The following UGT2A1 variants were observed in gnomAD, a reference collection of about 807,000 sequenced individuals.
The protein encoded by UGT2A1 is UDP glucuronosyltransferase family 2 member A1 complex locus.
Under a neutral mutation model 45.4 loss-of-function variants are expected in UGT2A1, and 61 were observed. That is an observed-to-expected ratio of 1.34 (90% CI 1.09 to 1.66). UGT2A1 has a LOEUF of 1.66. Ranked by LOEUF, UGT2A1 falls within the 40% of genes most tolerant of loss-of-function variation. The pLI is 0.00. For missense variants in UGT2A1, 649 were observed against 574.3 expected (o/e 1.13, Z -1.33); for synonymous variants, 229 against 196.2 (o/e 1.17, Z -1.40).
chr4:69,651,557 G>A (rs960373332), intron 1 of UGT2A1, among the ~76,000 whole-genome samples: 18 of 152,128 alleles, frequency 1.2e-4, no homozygotes, highest in African/African-American at 4.3e-4. Context: ...TTGCTTAATT[G>A]TGTTACAGGT....
intron 3 of UGT2A1, among the ~76,000 whole-genome samples, chr4:69,608,023 G>A (rs188289637): frequency 6.6e-6 from 1 of 152,170 alleles, no homozygotes; most frequent in East Asian, 1.9e-4. Flanking sequence ...AATTTCTCAG[G>A]GATCTAGAAT....
rs144056072 is a variant in UGT2A1, at chr4:69,589,493, G to T, written c.1463C>A (p.Ser488Tyr). 4.3e-4 allele frequency: 687 copies of T among 1,614,012 alleles called. 2 individuals are homozygous for T. The highest frequency in any genetic ancestry group is 1.1e-3 in the Admixed American group (67 of 59,978). The change falls in exon 7 of 7, where the codon TCT becomes TAT. Residue 488 changes from serine to tyrosine, a missense_variant. Coordinates refer to ENST00000286604, the MANE Select transcript of UGT2A1 (RefSeq NM_001252275.3). ...AHDLTWFQYH[S>Y]LDVIGFLLVC... ...CAGCAAGAACCCAATTACATCCAAA[G>T]AGTGGTACTGGAACCAGGTGAGGTC...
At chr4:69,596,025 T>C (rs1410665415) in intron 4 of UGT2A1, among the ~76,000 whole-genome samples, 1 of 152,162 alleles carries the variant, frequency 6.6e-6, no homozygotes, top group Non-Finnish European at 1.5e-5. Context: ...AATAAATGAC[T>C]TCAAAAAAGT....
chr4:69,623,821 T>G (rs576911559), intron 3 of UGT2A1, among the ~76,000 whole-genome samples: 4 of 151,586 alleles, frequency 2.6e-5, no homozygotes, highest in Non-Finnish European at 5.9e-5. Flanking sequence ...TTAAAACAGA[T>G]TCATTTGAAA....
chr4:69,610,906 A>G (rs1719996928), intron 3 of UGT2A1, among the ~76,000 whole-genome samples: 1 of 152,200 alleles, frequency 6.6e-6, no homozygotes, highest in Non-Finnish European at 1.5e-5. Context: ...AAGTTAAATT[A>G]GCTAATCTTT....
At chr4:69,619,034 T>G (rs1038778701) in intron 3 of UGT2A1, among the ~76,000 whole-genome samples, 6 of 151,856 alleles carry the variant, frequency 4.0e-5, no homozygotes, top group African/African-American at 1.5e-4. Context: ...ATACAATATA[T>G]GTATATACAT....
intron 2 of UGT2A1, among the ~76,000 whole-genome samples, chr4:69,642,185 T>C (rs985209572): frequency 6.6e-6 from 1 of 151,856 alleles, no homozygotes; most frequent in African/African-American, 2.4e-5. Context: ...CATTTCCTTT[T>C]GTTCTGATAC....
intron 3 of UGT2A1, among the ~76,000 whole-genome samples, chr4:69,619,741 G>T (rs970168026): frequency 6.6e-6 from 1 of 152,072 alleles, no homozygotes; most frequent in African/African-American, 2.4e-5. Flanking sequence ...GAATATTGAT[G>T]CAAAAATCCT....
intron 3 of UGT2A1, among the ~76,000 whole-genome samples, chr4:69,627,437 T>A (rs1453472162): frequency 6.7e-6 from 1 of 149,182 alleles, no homozygotes; most frequent in African/African-American, 2.5e-5. Context: ...ATAAGAAATA[T>A]TTTTTGTTCC....
At chr4:69,598,090 C>A (rs1159144906) in intron 4 of UGT2A1, among the ~76,000 whole-genome samples, 1 of 152,076 alleles carries the variant, frequency 6.6e-6, no homozygotes, top group Non-Finnish European at 1.5e-5. Flanking sequence ...ATGAATATTT[C>A]TGTGTCTTTA....
chr4:69,608,565 A>G (rs1193439348), intron 3 of UGT2A1, among the ~76,000 whole-genome samples: 1 of 152,140 alleles, frequency 6.6e-6, no homozygotes, highest in Non-Finnish European at 1.5e-5. Flanking sequence ...AAAGTATAAT[A>G]AAAAGAAAAA....
chr4:69,599,659 A>C, intron 3 of UGT2A1: 1 of 343,064 alleles, frequency 2.9e-6, no homozygotes, highest in East Asian at 5.3e-5. Context: ...AGCAAGGAAA[A>C]GTGAGAAAAA....
rs1719502747 is a variant in UGT2A1 at position 69,604,747 on chromosome 4, CA to C, written c.848-5354del. The stretch of plus-strand genomic sequence containing the variant: ...GAAGATCTACCAAGCAAATGGAAAA[CA>C]AAAAAAGGCAGGGGTTGCAATCCTA... On this transcript the variant is annotated intron_variant, in intron 3 of 6. Transcript: ENST00000286604. Among the ~76,000 whole-genome samples, 2 of 135,054 alleles carry C rather than the reference CA, an allele frequency of 1.5e-5. 1 individual carries two copies. The highest frequency in any genetic ancestry group is 3.1e-5 in the Non-Finnish European group (2 of 63,698). 88.6% of individuals were successfully genotyped at this position (135,054 alleles called of 152,430 possible). A position where few individuals can be genotyped will look rare whatever the true frequency, so the allele number is the denominator to read the frequency against.
chr4:69,646,676 T>C lies in UGT2A1; in HGVS notation c.715+254A>G, dbSNP rs1372240894. The stretch of plus-strand genomic sequence containing the variant: ...CATGAGATCCAGCCCAACTTTTAAA[T>C]TGAAGTATTTGTCACTATATTTTAT... On this transcript the variant is annotated intron_variant, in intron 2 of 6. Transcript: ENST00000286604. 2.6e-5 allele frequency among the ~76,000 whole-genome samples: 4 copies of C among 151,844 alleles called. No individual in the cohort carries two copies. In the East Asian group the frequency reaches 5.8e-4, roughly 22 times the overall value.
At chr4:69,604,541 T>A (rs1305314971) in intron 3 of UGT2A1, among the ~76,000 whole-genome samples, 1 of 136,400 alleles carries the variant, frequency 7.3e-6, no homozygotes, top group Non-Finnish European at 1.6e-5. Context: ...GCTAACATCA[T>A]AATGACAGGA....
intron 3 of UGT2A1, among the ~76,000 whole-genome samples, chr4:69,633,606 A>G (rs950306789): frequency 2.0e-5 from 3 of 152,230 alleles, no homozygotes; most frequent in Admixed American, 6.5e-5. Flanking sequence ...TAGACTCCAT[A>G]TAGCTATAAG....
chr4:69,600,649 G>T (rs1835822), intron 3 of UGT2A1, among the ~76,000 whole-genome samples: 35,425 of 151,858 alleles, frequency 0.23, 4,335 homozygotes, highest in Middle Eastern at 0.31. Context: ...GGTTTAATTG[G>T]CTTATGGTCC....
chr4:69,639,246 A>C (rs776494347), intron 2 of UGT2A1: 2 of 1,613,662 alleles, frequency 1.2e-6, no homozygotes, highest in South Asian at 2.2e-5. Context: ...ACAGAGTTGT[A>C]TGTTAATTTG....
chr4:69,644,360 T>C (rs543715554), intron 2 of UGT2A1, among the ~76,000 whole-genome samples: 2 of 151,752 alleles, frequency 1.3e-5, no homozygotes, highest in African/African-American at 4.8e-5. Flanking sequence ...TGATGAGCAG[T>C]TGACAAAACT....
Sources: allele counts gnomAD v4.1 joint callset (sites outside exome capture counted in the v4.1 genomes callset), GRCh38; gene constraint gnomAD v4.1.1; transcripts MANE v1.5; gene names NCBI Gene and HGNC (gene_info 2026-07-23, HGNC 2026-07-21).